Variants in FREM1 observed in about 807,000 individuals in gnomAD.
The protein encoded by FREM1 is FRAS1 related extracellular matrix 1, also known as FRAS1-related extracellular matrix protein 1.
A neutral mutation model predicts 210.1 loss-of-function variants in FREM1; 220 were observed. The ratio of observed to expected loss-of-function variants is 1.05; its 90% CI spans 0.94 to 1.17. The LOEUF is 1.17. Ranked by LOEUF, FREM1 falls within the 50% of genes most tolerant of loss-of-function variation. The pLI is 0.00. For synonymous variants in FREM1, 1,189 were observed against 980.2 expected (o/e 1.21, Z -3.98); for missense variants, 3,454 against 2,675.5 (o/e 1.29, Z -6.42).
chr9:14,810,096 T>C (rs1310585737), intron 16 of FREM1, among the ~76,000 whole-genome samples: 1 of 152,072 alleles, frequency 6.6e-6, no homozygotes, highest in Non-Finnish European at 1.5e-5. Context: ...CCAGATGCCT[T>C]TGCTGGCTTT....
In FREM1 at chr9:14,737,521, T is replaced by C; in HGVS notation, c.6415A>G (p.Arg2139Gly). 5 of 1,612,492 alleles carry C rather than the reference T, an allele frequency of 3.1e-6. No individual in the cohort carries two copies. Among genetic ancestry groups the C allele is most frequent in the Non-Finnish European group, 4.2e-6 (5 of 1,179,142 alleles). ...AGCTTGGAGCGTTGAGAGGGCCCTC[T>C]TCTCCCATTGGTGAAGGCAACAGGT... ...GEPVAFTNGR[R>G]GPSQRSKLGK... is the part of the protein sequence containing the mutation. Residue 2139 changes from arginine to glycine, a missense_variant, in exon 37 of 37, where the codon AGA (arginine) becomes GGA (glycine). Coordinates refer to ENST00000380880, the MANE Select transcript of FREM1 (RefSeq NM_001379081.2).
intron 3 of FREM1, among the ~76,000 whole-genome samples, chr9:14,860,335 C>T (rs1317239662): frequency 6.6e-6 from 1 of 151,634 alleles, no homozygotes; most frequent in African/African-American, 2.4e-5. Flanking sequence ...GCTGCCTACT[C>T]CCCTGAATAT....
At chr9:14,867,061 T>C (rs1341002892) in intron 2 of FREM1, among the ~76,000 whole-genome samples, 8 of 152,124 alleles carry the variant, frequency 5.3e-5, no homozygotes, top group African/African-American at 1.2e-4. Context: ...AGTTTCACCA[T>C]GTTGACCAGG....
At chr9:14,899,325 C>T (rs1451105400) in intron 1 of FREM1, among the ~76,000 whole-genome samples, 1 of 152,192 alleles carries the variant, frequency 6.6e-6, no homozygotes, top group East Asian at 1.9e-4. Flanking sequence ...CAGTGTTGCT[C>T]ACTGAGCTTA....
At chr9:14,827,503 G>C (rs563927293) in intron 10 of FREM1, among the ~76,000 whole-genome samples, 6 of 152,230 alleles carry the variant, frequency 3.9e-5, no homozygotes, top group African/African-American at 1.2e-4. Flanking sequence ...ATGAACTAAA[G>C]CCAGAATTTT....
At chr9:14,887,986 C>A (rs775723482) in intron 1 of FREM1, among the ~76,000 whole-genome samples, 8 of 152,070 alleles carry the variant, frequency 5.3e-5, no homozygotes, top group African/African-American at 1.7e-4. Context: ...TTAGTAGAGA[C>A]AGGGTTTCAC....
Position 14,819,402 on chromosome 9 carries a change from C to A in FREM1, c.2378G>T (p.Ser793Ile), listed in dbSNP as rs1412853353. The change falls in exon 14 of 37, where the codon AGC (serine) becomes ATC (isoleucine). Residue 793 changes from serine (S) to isoleucine (I), a missense_variant. Transcript: ENST00000380880. ...NPLKVTEGGQ[S>I]IISTEHILIS... ...TAGAATGTGCTCTGTGCTGATGATG[C>A]TTTGACCTCCCTCAGTCACTTTCAG... The A allele has an allele frequency of 6.2e-7, 1 of 1,613,302 alleles. No homozygotes were observed. The highest frequency in any genetic ancestry group is 8.5e-7 in the Non-Finnish European group (1 of 1,179,562).
intron 20 of FREM1, among the ~76,000 whole-genome samples, chr9:14,800,970 T>C (rs2133276284): frequency 6.6e-6 from 1 of 152,276 alleles, no homozygotes; most frequent in African/African-American, 2.4e-5. Context: ...ATGTATACAT[T>C]GTGAAATGGG....
chr9:14,824,769 T>G (rs1415372564), intron 11 of FREM1, 27 bp downstream of exon 11: 2 of 1,545,422 alleles, frequency 1.3e-6, no homozygotes, highest in Admixed American at 1.8e-5. Context: ...CTAGAACTAG[T>G]AGCCCAAATG....
At position 14,763,700 on chromosome 9, in the gene FREM1, T is replaced by C. The variant is rs191136329; in HGVS notation, c.5205-3799A>G. Among the ~76,000 whole-genome samples, 19 of 152,294 alleles carry C rather than the reference T, an allele frequency of 1.2e-4. No individual in the cohort carries two copies. In the East Asian group the frequency reaches 3.3e-3, roughly 26 times the overall value. On this transcript the variant is annotated intron_variant, in intron 27 of 36. Coordinates refer to ENST00000380880, the MANE Select transcript of FREM1 (RefSeq NM_001379081.2). ...AAACACCCAATTTAAAATCACAATG[T>C]CTTTCCCAAACACAGCACTTGCTGA...
In FREM1 at chr9:14,747,460, GA is replaced by G. The variant is rs764253857; in HGVS notation, c.5845-33del. ...GAAACCAACAATCAACAACAATAAG[GA>G]AAAAACAAACATCAAGATAGCAAAC... On this transcript the variant is annotated intron_variant, in intron 32 of 36. Coordinates refer to ENST00000380880, the MANE Select transcript of FREM1 (RefSeq NM_001379081.2). 50 of 1,588,490 alleles carry G rather than the reference GA, an allele frequency of 3.1e-5. No homozygotes were observed. The South Asian group carries it at 4.1e-4, about 13-fold the overall frequency.
At chr9:14,804,465 G>C (rs1398031396) in intron 19 of FREM1, among the ~76,000 whole-genome samples, 1 of 152,176 alleles carries the variant, frequency 6.6e-6, no homozygotes, top group African/African-American at 2.4e-5. Flanking sequence ...GGCACCTGCA[G>C]TCCCAGCTAC....
At chr9:14,776,584 AT>A (rs1244332019) in intron 24 of FREM1, among the ~76,000 whole-genome samples, 1 of 152,174 alleles carries the variant, frequency 6.6e-6, no homozygotes, top group African/African-American at 2.4e-5. Flanking sequence ...TTTATTTATA[AT>A]TTTTCAATTG....
intron 20 of FREM1, among the ~76,000 whole-genome samples, chr9:14,800,329 A>G (rs941849390): frequency 6.6e-6 from 1 of 152,162 alleles, no homozygotes; most frequent in African/African-American, 2.4e-5. Flanking sequence ...AGGCTGGGAA[A>G]AGAAAACACC....
chr9:14,880,004 G>A (rs1292247435), intron 1 of FREM1, among the ~76,000 whole-genome samples: 1 of 152,134 alleles, frequency 6.6e-6, no homozygotes, highest in African/African-American at 2.4e-5. Flanking sequence ...GGATTAGGAG[G>A]TAGGGCCTTG....
chr9:14,861,467 G>T (rs1254370618), intron 3 of FREM1, among the ~76,000 whole-genome samples: 2 of 147,796 alleles, frequency 1.4e-5, no homozygotes, highest in East Asian at 2.0e-4. Flanking sequence ...AATAAATGGG[G>T]TATCCATTTA....
intron 28 of FREM1, among the ~76,000 whole-genome samples, 178 bp from the exon 29 acceptor site, chr9:14,756,624 A>G (rs1844428136): frequency 1.3e-5 from 2 of 152,168 alleles, no homozygotes; most frequent in African/African-American, 2.4e-5. Flanking sequence ...CATTTTCCTT[A>G]AAGTTGACTT....
At chr9:14,805,347 T>C (rs1818173298) in intron 18 of FREM1, among the ~76,000 whole-genome samples, 195 bp from the exon 19 acceptor site, 1 of 152,198 alleles carries the variant, frequency 6.6e-6, no homozygotes, top group South Asian at 2.1e-4. Context: ...CCACAGATCA[T>C]ACAGAAGAAT....
intron 5 of FREM1, among the ~76,000 whole-genome samples, chr9:14,854,764 C>T (rs2131459879): frequency 6.6e-6 from 1 of 152,076 alleles, no homozygotes; most frequent in Admixed American, 6.5e-5. Flanking sequence ...TTCTGTTTAT[C>T]ATCAATAACC....
Sources: gnomAD v4.1 joint callset for allele counts (sites outside exome capture counted in the v4.1 genomes callset) on GRCh38, gnomAD v4.1.1 for gene constraint, MANE v1.5 for transcripts, NCBI Gene and HGNC (gene_info 2026-07-23, HGNC 2026-07-21) for gene names.